Variants in LMO7 observed in about 807,000 individuals in gnomAD.
LMO7 encodes LIM domain only protein 7.
In LMO7, 120 loss-of-function variants were observed where a neutral mutation model predicts 206.5. The ratio of observed to expected loss-of-function variants is 0.58; its 90% confidence interval spans 0.50 to 0.68. LMO7 has a LOEUF of 0.68. Among genes scored for constraint, LMO7 ranks in the 30% least tolerant of loss-of-function variants. The pLI is 0.00. For synonymous variants in LMO7, 706 were observed against 681.5 expected (o/e 1.04, Z -0.56); for missense variants, 1,959 against 1,957.9 (o/e 1.00, Z -0.01).
At chr13:75,761,697 C>T (rs1158755928) in intron 4 of LMO7, among the ~76,000 whole-genome samples, 1 of 151,996 alleles carries the variant, frequency 6.6e-6, no homozygotes, top group African/African-American at 2.4e-5. Flanking sequence ...GTTTTAAGCT[C>T]TTATGATATT....
intron 2 of LMO7, among the ~76,000 whole-genome samples, chr13:75,626,592 T>TAA (rs1566249201): frequency 8.2e-6 from 1 of 121,668 alleles, no homozygotes; most frequent in African/African-American, 2.8e-5. Flanking sequence ...TATATATATA[T>TAA]AAATTTTTTT....
chr13:75,715,343 A>G (rs148795987), intron 2 of LMO7, among the ~76,000 whole-genome samples: 1 of 152,380 alleles, frequency 6.6e-6, no homozygotes, highest in East Asian at 1.9e-4. Context: ...TTCTACCTTA[A>G]TGGCAACAGC....
At chr13:75,688,344 T>A (rs1173368639) in intron 1 of LMO7, among the ~76,000 whole-genome samples, 2 of 152,222 alleles carry the variant, frequency 1.3e-5, no homozygotes, top group African/African-American at 4.8e-5. Flanking sequence ...ATGCTTAGAA[T>A]TCTTGTGCGA....
chr13:75,624,873 A>T lies in LMO7; in HGVS notation c.225+1553A>T, dbSNP rs533733754. 3.3e-5 allele frequency among the ~76,000 whole-genome samples: 5 copies of T among 152,282 alleles called. No homozygotes were observed. The East Asian group carries it at 9.7e-4, about 29-fold the overall frequency. ...TGAGATTTGGGTGGAGACACAGCAA[A>T]ACCATATCAACACTCTTAGACACAA... is the stretch of plus-strand genomic sequence containing the variant. On this transcript the variant is annotated intron_variant, in intron 2 of 29. Coordinates refer to the LMO7 transcript ENST00000341547.
chr13:75,810,877 A>G (rs2056293798), intron 11 of LMO7, among the ~76,000 whole-genome samples: 1 of 152,230 alleles, frequency 6.6e-6, no homozygotes, highest in African/African-American at 2.4e-5. Context: ...TTGAAAAGCT[A>G]AAGATTTTTC....
intron 1 of LMO7, among the ~76,000 whole-genome samples, chr13:75,703,542 A>G (rs1297997119): frequency 6.6e-6 from 1 of 152,210 alleles, no homozygotes; most frequent in Admixed American, 6.5e-5. Context: ...AAGAGATGCT[A>G]CCACATAGGG....
chr13:75,661,543 A>G (rs1225853196), intron 1 of LMO7, among the ~76,000 whole-genome samples: 1 of 152,174 alleles, frequency 6.6e-6, no homozygotes, highest in East Asian at 1.9e-4. Flanking sequence ...AGATGTGGAC[A>G]CCAGAAGTAA....
At chr13:75,701,232 C>A (rs1467215866) in intron 1 of LMO7, among the ~76,000 whole-genome samples, 1 of 152,134 alleles carries the variant, frequency 6.6e-6, no homozygotes, top group Non-Finnish European at 1.5e-5. Flanking sequence ...CAGTGGGAAT[C>A]CATCAAGAAT....
intron 1 of LMO7, among the ~76,000 whole-genome samples, 153 bp from the exon 2 acceptor site, chr13:75,713,029 A>T (rs536241688): frequency 6.6e-6 from 1 of 152,350 alleles, no homozygotes; most frequent in East Asian, 1.9e-4. Flanking sequence ...GACAGTACAT[A>T]TTCCTATAAG....
rs1566612199 is a variant in LMO7 at position 75,848,435 on chromosome 13, CTATCT to C, written c.4151-643_4151-639del. ...GCTGAGTAGTATTCCATGCGATTATCTATCTATCTATCTATCTATCTATCTATCTA... is the reference window on the plus strand; with the variant it reads ...GCTGAGTAGTATTCCATGCGATTATCATCTATCTATCTATCTATCTATCTA... On this transcript the variant is annotated intron_variant, in intron 26 of 30. Coordinates refer to ENST00000377534, the MANE Select transcript of LMO7 (RefSeq NM_001306080.2). Among the ~76,000 whole-genome samples, 10 of 149,348 alleles carry C rather than the reference CTATCT, an allele frequency of 6.7e-5. 1 individual carries two copies. In the East Asian group the frequency reaches 1.8e-3, roughly 27 times the overall value.
intron 4 of LMO7, among the ~76,000 whole-genome samples, chr13:75,764,122 A>C (rs1490145801): frequency 1.3e-5 from 2 of 152,178 alleles, no homozygotes; most frequent in Non-Finnish European, 2.9e-5. Context: ...GTATTCAAGC[A>C]TCAGGTGACA....
At chr13:75,814,527 A>G (rs752615922) in intron 11 of LMO7, among the ~76,000 whole-genome samples, 6 of 152,246 alleles carry the variant, frequency 3.9e-5, no homozygotes, top group Admixed American at 6.5e-5. Context: ...AGACTTCATC[A>G]AAGTGCTGAA....
intron 4 of LMO7, among the ~76,000 whole-genome samples, chr13:75,780,642 G>C (rs1244196448): frequency 2.0e-5 from 3 of 152,172 alleles, no homozygotes; most frequent in Non-Finnish European, 1.5e-5. Flanking sequence ...AAGATGACGG[G>C]ATTAAGAGAT....
upstream of LMO7, among the ~76,000 whole-genome samples, chr13:75,632,921 C>T (rs545197793): frequency 7.0e-5 from 9 of 128,254 alleles, no homozygotes; most frequent in East Asian, 2.2e-4. Context: ...AGTGCAGTGC[C>T]GTGGTCTCGG....
At chr13:75,792,329 G>A (rs2053427158) in intron 4 of LMO7, among the ~76,000 whole-genome samples, 1 of 152,070 alleles carries the variant, frequency 6.6e-6, no homozygotes, top group African/African-American at 2.4e-5. Context: ...TGAAACAGAG[G>A]GCATTATCCC....
chr13:75,850,568 TGAA>T (rs775539908), intron 27 of LMO7, among the ~76,000 whole-genome samples: 2 of 152,202 alleles, frequency 1.3e-5, no homozygotes, highest in Non-Finnish European at 2.9e-5. Flanking sequence ...ATATGACTAT[TGAA>T]GAATGAAAGA....
rs1054995125 is a variant in LMO7 at position 75,807,186 on chromosome 13, G to A, written c.1197-294G>A. The A allele has an allele frequency of 7.3e-5, 23 of 314,144 alleles. No individual in the cohort carries two copies. The East Asian group carries it at 1.2e-3, about 17-fold the overall frequency. 19.5% of individuals were successfully genotyped at this position (314,144 alleles called of 1,614,324 possible). ...GGGAGTGGCTTTTGTGTGTGCCTGG[G>A]AGGGGTACCTAGTCCATGCTCCAGC... On this transcript the variant is annotated intron_variant, in intron 9 of 30. Coordinates refer to ENST00000377534, the MANE Select transcript of LMO7 (RefSeq NM_001306080.2).
chr13:75,800,561 C>A, intron 6 of LMO7, 123 bp from the exon 7 acceptor site: 1 of 815,624 alleles, frequency 1.2e-6, no homozygotes, highest in East Asian at 2.7e-5. Flanking sequence ...ACAGAGAAAC[C>A]TCATGCCTTA....
At chr13:75,857,444 A>T (rs1227278930) in intron 30 of LMO7, 1 of 151,634 alleles carries the variant, frequency 6.6e-6, no homozygotes, top group Non-Finnish European at 1.5e-5. Context: ...AAGCCCAGTC[A>T]ACTCTCTTTT....
Sources: allele counts gnomAD v4.1 joint callset (sites outside exome capture counted in the v4.1 genomes callset), GRCh38; gene constraint gnomAD v4.1.1; transcripts MANE v1.5; gene names NCBI Gene and HGNC (gene_info 2026-07-23, HGNC 2026-07-21).